The following RHOU variants were observed in gnomAD, a reference collection of about 807,000 sequenced individuals.
RHOU encodes the protein rho-related GTP-binding protein RhoU.
Under a neutral mutation model 12.6 loss-of-function variants are expected in RHOU, and 8 were observed. The ratio of observed to expected loss-of-function variants is 0.64; its 90% confidence interval spans 0.37 to 1.15. RHOU has a LOEUF of 1.15. Ranked by LOEUF, RHOU falls within the 50% of genes most tolerant of loss-of-function variation. The pLI, the probability that RHOU is intolerant of heterozygous loss-of-function variation, is 0.01. For missense variants in RHOU, 258 were observed against 347.0 expected, an observed-to-expected ratio of 0.74 and a Z score of 2.04; for synonymous variants, 161 against 147.4, an observed-to-expected ratio of 1.09 and a Z score of -0.67.
At chr1:228,692,184 A>G in the RHOU span, among the ~76,000 whole-genome samples, 1 of 152,224 alleles carries the variant, frequency 6.6e-6, no homozygotes, top group South Asian at 2.1e-4. Flanking sequence ...TCAGGTGAGC[A>G]CTGAAAACCC....
At chr1:228,717,154 C>G in the RHOU span, among the ~76,000 whole-genome samples, 2 of 152,108 alleles carry the variant, frequency 1.3e-5, no homozygotes, top group African/African-American at 4.8e-5. Context: ...AAAAGCATTT[C>G]CTTTCACTGG....
chr1:228,700,615 GT>G, the RHOU span, among the ~76,000 whole-genome samples: 42 of 152,184 alleles, frequency 2.8e-4, no homozygotes, highest in African/African-American at 8.4e-4. Flanking sequence ...AGAAAATTTA[GT>G]TATTTCTAAG....
In RHOU at chr1:228,737,987, G is replaced by A. The variant is rs1398972980; in HGVS notation, c.321+256G>A. 6.6e-6 allele frequency among the ~76,000 whole-genome samples: 1 copy of A among 152,194 alleles called. No homozygotes were observed. Among genetic ancestry groups the A allele is most frequent in the Admixed American group, 6.5e-5 (1 of 15,284 alleles). ...GTAACCAGGCAAGGGAGGAAGCAGT[G>A]TCAAGAACAGCTCTTGTAGGAGTTT... On this transcript the variant is annotated intron_variant, in intron 2 of 2. Transcript: ENST00000366691. This position sits in a 1 kb window ranked among gnomAD's most constrained non-coding sequence, Gnocchi z 4.1.
the RHOU span, among the ~76,000 whole-genome samples, chr1:228,664,638 A>ATT: frequency 6.6e-6 from 1 of 151,930 alleles, no homozygotes; most frequent in Non-Finnish European, 1.5e-5. Flanking sequence ...CATTGCCAAG[A>ATT]TTGATTGATT....
At chr1:228,691,366 AGT>A in the RHOU span, among the ~76,000 whole-genome samples, 1 of 152,046 alleles carries the variant, frequency 6.6e-6, no homozygotes, top group Non-Finnish European at 1.5e-5. Flanking sequence ...CACACAGAGG[AGT>A]TTCACTGGCC....
the RHOU span, among the ~76,000 whole-genome samples, chr1:228,663,633 T>TCTTTTC: frequency 4.5e-5 from 6 of 132,780 alleles, no homozygotes; most frequent in African/African-American, 1.7e-4. Context: ...TTCTTTTTTT[T>TCTTTTC]TTTTTTTTTT....
chr1:228,690,217 TA>T, the RHOU span, among the ~76,000 whole-genome samples: 1 of 152,136 alleles, frequency 6.6e-6, no homozygotes, highest in African/African-American at 2.4e-5. Flanking sequence ...GAAAGTTTAT[TA>T]AAAAGCTTTA....
At chr1:228,651,899 T>C in the RHOU span, among the ~76,000 whole-genome samples, 13 of 152,334 alleles carry the variant, frequency 8.5e-5, no homozygotes, top group Non-Finnish European at 1.9e-4. Flanking sequence ...ACATGATATA[T>C]ATGCCAATTT....
the RHOU span, chr1:228,650,551 C>T: frequency 2.6e-5 from 12 of 456,886 alleles, no homozygotes; most frequent in African/African-American, 1.0e-4. Context: ...GAGTGCCCGG[C>T]GGGTTGTCCT....
In RHOU at chr1:228,736,019, G is replaced by A; in HGVS notation, c.262+15G>A. On this transcript the variant is annotated intron_variant, in intron 1 of 2. Coordinates refer to ENST00000366691, the MANE Select transcript of RHOU (RefSeq NM_021205.6). ...CAACTTCTCCGGTGAGCTGGCCGGG[G>A]GGCCGGGGCCGGGGGCGCGTGGCCG... 1 of 1,570,768 alleles carries A rather than the reference G, an allele frequency of 6.4e-7. No individual in the cohort carries two copies. Among genetic ancestry groups the A allele is most frequent in the Non-Finnish European group, 8.6e-7 (1 of 1,165,894 alleles).
At chr1:228,646,737 C>G in the RHOU span, among the ~76,000 whole-genome samples, 59 of 152,016 alleles carry the variant, frequency 3.9e-4, 1 homozygote, top group East Asian at 0.011. Flanking sequence ...TCCACTCCCC[C>G]ACACACAGAC....
chr1:228,736,847 T>C (rs1662622437), intron 1 of RHOU, among the ~76,000 whole-genome samples: 1 of 152,124 alleles, frequency 6.6e-6, no homozygotes, highest in Non-Finnish European at 1.5e-5. Flanking sequence ...AAAAAATTGC[T>C]TCTCTGACCT....
chr1:228,730,745 T>C (rs1366607141), upstream of RHOU, among the ~76,000 whole-genome samples: 2 of 152,154 alleles, frequency 1.3e-5, no homozygotes, highest in Non-Finnish European at 2.9e-5. Flanking sequence ...AGGCAAAGGG[T>C]TACCATTTAA....
chr1:228,672,149 T>C, the RHOU span, among the ~76,000 whole-genome samples: 2 of 152,228 alleles, frequency 1.3e-5, no homozygotes, highest in Non-Finnish European at 2.9e-5. Flanking sequence ...TTTGATATAA[T>C]TGCATTTTCA....
chr1:228,688,804 C>CTGGTCAA, the RHOU span, among the ~76,000 whole-genome samples: 1 of 152,180 alleles, frequency 6.6e-6, no homozygotes, highest in African/African-American at 2.4e-5. Context: ...AGGTCACCAG[C>CTGGTCAA]GCAGGTAGAA....
chr1:228,655,002 G>T, the RHOU span, among the ~76,000 whole-genome samples: 3 of 151,862 alleles, frequency 2.0e-5, no homozygotes, highest in Non-Finnish European at 4.4e-5. Flanking sequence ...ACCTCACCTA[G>T]TTCCCTATAA....
chr1:228,698,573 C>T, the RHOU span, among the ~76,000 whole-genome samples: 12 of 152,158 alleles, frequency 7.9e-5, no homozygotes, highest in Non-Finnish European at 1.2e-4. Context: ...ATTATACAGC[C>T]TTGTAGAAAT....
the RHOU span, among the ~76,000 whole-genome samples, chr1:228,729,796 T>C: frequency 1.3e-5 from 2 of 152,260 alleles, no homozygotes; most frequent in African/African-American, 4.8e-5. Flanking sequence ...GATTGATTTT[T>C]ACATCTTAAA....
chr1:228,715,737 C>A, the RHOU span, among the ~76,000 whole-genome samples: 1 of 151,952 alleles, frequency 6.6e-6, no homozygotes, highest in Admixed American at 6.6e-5. Context: ...CTAGCTCTGT[C>A]TTATTCCCAG....
Sources: gnomAD v4.1 joint callset for allele counts (sites outside exome capture counted in the v4.1 genomes callset) on GRCh38, gnomAD v4.1.1 for gene constraint, Gnocchi (gnomAD v3.1) non-coding constraint, MANE v1.5 for transcripts, NCBI Gene and HGNC (gene_info 2026-07-23, HGNC 2026-07-21) for gene names.